The following SAMD9 variants were observed in gnomAD, a reference collection of about 807,000 sequenced individuals.
SAMD9 encodes sterile alpha motif domain containing 9.
A neutral mutation model predicts 1.5 loss-of-function variants in SAMD9; 3 were observed. The observed-to-expected ratio is 2.05, with a 90% CI of 0.93 to 5.29. SAMD9 has a LOEUF of 5.29. Ranked by LOEUF, SAMD9 falls within the 30% of genes most tolerant of loss-of-function variation. The pLI is 0.02. For synonymous variants in SAMD9, 635 were observed against 631.9 expected, an observed-to-expected ratio of 1.00 and a Z score of -0.07; for missense variants, 1,597 against 1,820.8, an observed-to-expected ratio of 0.88 and a Z score of 2.24.
rs760747768 is a variant in SAMD9, at chr7:93,105,098, C to T, written c.1000G>A (p.Glu334Lys). 1 of 1,613,706 alleles carries T rather than the reference C, an allele frequency of 6.2e-7. No individual in the cohort carries two copies. Among genetic ancestry groups the T allele is most frequent in the Admixed American group, 1.7e-5 (1 of 59,974 alleles). Reference sequence around the variant, plus strand: ...AATAGTGAGAATTTTTTACTTTGTTCCCATATTTTGTTGTTGTAATTTTGC... The same window carrying T: ...AATAGTGAGAATTTTTTACTTTGTTTCCATATTTTGTTGTTGTAATTTTGC... ...KMQNYNNKIW[E>K]QSKKFSLFVR... is the part of the protein sequence containing the mutation. Residue 334 changes from glutamate to lysine, a missense_variant, in exon 3 of 3, where the codon GAA (glutamate) becomes AAA (lysine). By Grantham distance (56) the Glu-to-Lys change is moderately conservative. This residue lies in a region of SAMD9 where 498 missense variants were observed against 457.4 expected (regional missense o/e 1.09). Transcript: ENST00000379958.
At position 93,104,599 on chromosome 7, in the gene SAMD9, A is replaced by T; in HGVS notation, c.1499T>A (p.Leu500His). ...AAAGGGTTTATATTTTTCACTGTCA[A>T]GGTCTAACCTGCCATTGCAGAAAAT... ...SWIFCNGRLD[L>H]DSEKYKPFDP... Residue 500 changes from leucine to histidine, a missense_variant, in exon 3 of 3, where the codon CTT becomes CAT. By Grantham distance (99) the Leu-to-His change is moderately conservative. This residue lies in a region of SAMD9 where 358 missense variants were observed against 460.4 expected (regional missense o/e 0.78). Transcript: ENST00000379958. 6.2e-7 allele frequency: 1 copy of T among 1,614,056 alleles called. No individual in the cohort carries two copies. The highest frequency in any genetic ancestry group is 8.5e-7 in the Non-Finnish European group (1 of 1,179,950).
intron 1 of SAMD9, among the ~76,000 whole-genome samples, chr7:93,115,302 A>G (rs1401456607): frequency 6.6e-6 from 1 of 152,214 alleles, no homozygotes; most frequent in Admixed American, 6.5e-5. Flanking sequence ...TGTTTTAGCC[A>G]CTTCAAGAAA....
Position 93,101,662 on chromosome 7 carries a change from G to A in SAMD9, c.4436C>T (p.Ala1479Val). 1.2e-6 allele frequency: 2 copies of A among 1,613,690 alleles called. No individual in the cohort carries two copies. Among genetic ancestry groups the A allele is most frequent in the Non-Finnish European group, 1.7e-6 (2 of 1,179,722 alleles). The change falls in exon 3 of 3, where the codon GCA (alanine) becomes GTA (valine). Residue 1479 changes from alanine (A) to valine (V), a missense_variant. Around this residue, in one of 6 missense-constraint regions of SAMD9, gnomAD observed 682 missense variants for 810.0 expected, o/e 0.84. Transcript: ENST00000379958. ...KHMHRTKQPI[A>V]YFFLGKGKRL... is the part of the protein sequence containing the mutation. ...TTTACCTTTTCCAAGAAAGAAATAT[G>A]CAATTGGTTGCTTTGTACGATGCAT...
At chr7:93,113,744 TG>T (rs1791786581) in intron 2 of SAMD9, among the ~76,000 whole-genome samples, 1 of 151,942 alleles carries the variant, frequency 6.6e-6, no homozygotes. Context: ...AAAACCACAA[TG>T]AGATACCATC....
In SAMD9 at chr7:93,106,111, T is replaced by C. The variant is rs745901968; in HGVS notation, c.-8-6A>G. 26 of 1,548,318 alleles carry C rather than the reference T, an allele frequency of 1.7e-5. No homozygotes were observed. Among genetic ancestry groups the C allele is most frequent in the Non-Finnish European group, 1.8e-5 (21 of 1,150,220 alleles). On this transcript the variant is annotated splice_polypyrimidine_tract_variant and splice_region_variant and intron_variant, in intron 2 of 2. Coordinates refer to ENST00000379958, the MANE Select transcript of SAMD9 (RefSeq NM_017654.4). ...TTGCTTTGCCATTCTGATACCTATA[T>C]GTAGAAAAAGAAAAATTATTTAGTA... is the stretch of plus-strand genomic sequence containing the variant.
rs773076868 is a variant in SAMD9 at position 93,104,823 on chromosome 7, TG to T, written c.1274del (p.Thr425LysfsTer4). 3.1e-6 allele frequency: 5 copies of T among 1,613,514 alleles called. No homozygotes were observed. The East Asian group carries it at 1.1e-4, about 36-fold the overall frequency. Reference sequence around the variant, plus strand: ...TTTCCTTCAGGAAATCTAAGTGTTTTGTTTGATCTGGGTGGCATTTATTTGT... The same window carrying T: ...TTTCCTTCAGGAAATCTAAGTGTTTTTTTGATCTGGGTGGCATTTATTTGT... The part of the protein sequence containing the change: ...LVTNKCHPDQ[T>X]KHLDFLKEIK... On this transcript the variant is annotated frameshift_variant, in exon 3 of 3. Transcript: ENST00000379958. LOFTEE classifies it low-confidence loss of function (END_TRUNC).
chr7:93,116,102 C>G (rs1385772084), intron 1 of SAMD9, among the ~76,000 whole-genome samples: 1 of 152,174 alleles, frequency 6.6e-6, no homozygotes, highest in Non-Finnish European at 1.5e-5. Context: ...ACCTATGGCT[C>G]TCATCCCCCA....
At position 93,104,229 on chromosome 7, in the gene SAMD9, A is replaced by C; in HGVS notation, c.1869T>G (p.Ser623=). The C allele has an allele frequency of 6.2e-7, 1 of 1,613,952 alleles. No individual in the cohort carries two copies. Among genetic ancestry groups the C allele is most frequent in the Non-Finnish European group, 8.5e-7 (1 of 1,179,870 alleles). The part of the protein sequence containing the change: ...EINGTILKLK[S]VTQSSKRLLP... ...AAAGCCTTTTTGAAGATTGAGTCAC[A>C]GATTTTAGTTTAAGAATAGTGCCAT... Residue 623 remains serine, a synonymous_variant, in exon 3 of 3, where the codon TCT becomes TCG. Transcript: ENST00000379958.
rs765319328 is a variant in SAMD9 at position 93,103,291 on chromosome 7, G to T, written c.2807C>A (p.Ser936Ter). 21 of 1,613,648 alleles carry T rather than the reference G, an allele frequency of 1.3e-5. No homozygotes were observed. In the South Asian group the frequency reaches 1.4e-4, roughly 11 times the overall value. Residue 936 changes from serine (S) to a stop codon, truncating the protein, a stop_gained, in exon 3 of 3, where the codon TCA (serine) becomes TAA (stop). Coordinates refer to ENST00000379958, the MANE Select transcript of SAMD9 (RefSeq NM_017654.4). LOFTEE classifies it low-confidence loss of function (END_TRUNC). ...SYVPDTTISL[S>*]QCEKFLGIGN... ...AATTCCTAAGAATTTTTCACACTGT[G>T]ATAGTGAAATGGTGGTATCAGGCAC...
Position 93,114,855 on chromosome 7 carries a change from A to G in SAMD9, c.-69T>C, listed in dbSNP as rs1199131536. The G allele has an allele frequency of 1.3e-5, 2 of 152,232 alleles. No individual in the cohort carries two copies. Among genetic ancestry groups the G allele is most frequent in the African/African-American group, 2.4e-5 (1 of 41,460 alleles). The allele number at this position is 152,232 out of a possible 1,614,324, so 9.4% of individuals were successfully genotyped here. ...TTCCAGGGTGATGTAGGAGATCACA[A>G]AAGGCCACCTATTCACCCACTGCAA... is the stretch of plus-strand genomic sequence containing the variant. On this transcript the variant is annotated 5_prime_UTR_variant, in exon 2 of 3. Transcript: ENST00000379958.
Position 93,102,723 on chromosome 7 carries a change from T to C in SAMD9, c.3375A>G (p.Gln1125=), listed in dbSNP as rs1451033378. 1.9e-6 allele frequency: 3 copies of C among 1,613,918 alleles called. No homozygotes were observed. The South Asian group carries it at 3.3e-5, about 18-fold the overall frequency. The change falls in exon 3 of 3, where the codon CAA becomes CAG. Residue 1125 remains glutamine, a synonymous_variant. Transcript: ENST00000379958. ...DNSYISDTLG[Q]VYKSKIRWWI... is the part of the protein sequence containing the mutation. Reference sequence around the variant, plus strand: ...ACCATCTTATTTTACTTTTGTAGACTTGACCCAGTGTATCTGAGATATAAG... The same window carrying C: ...ACCATCTTATTTTACTTTTGTAGACCTGACCCAGTGTATCTGAGATATAAG...
chr7:93,100,223 A>G lies in SAMD9; in HGVS notation c.*1105T>C, dbSNP rs1791504791. The G allele has an allele frequency of 6.6e-6, 1 of 151,902 alleles. No individual in the cohort carries two copies. Among genetic ancestry groups the G allele is most frequent in the Non-Finnish European group, 1.5e-5 (1 of 67,976 alleles). 9.4% of individuals were successfully genotyped at this position (151,902 alleles called of 1,614,324 possible). A position where few individuals can be genotyped will look rare whatever the true frequency, so the allele number is the denominator to read the frequency against. On this transcript the variant is annotated 3_prime_UTR_variant, in exon 3 of 3. Coordinates refer to ENST00000379958, the MANE Select transcript of SAMD9 (RefSeq NM_017654.4). The stretch of plus-strand genomic sequence containing the variant: ...GCATATTTGTGGTGGTGTTAGTAGG[A>G]TTTTTTTAAAATTTCTTTTGAATTG...
In SAMD9 at chr7:93,103,363, G is replaced by A; in HGVS notation, c.2735C>T (p.Thr912Ile). 2 of 1,613,366 alleles carry A rather than the reference G, an allele frequency of 1.2e-6. No homozygotes were observed. Among genetic ancestry groups the A allele is most frequent in the Non-Finnish European group, 1.7e-6 (2 of 1,179,484 alleles). ...AAAAGAAAAGAGCTTTGCTTCCTTG[G>A]TGAAAATATTCTGCCCTTTCAGGAT... ...RNILKGQNIFTKEAKLFSFLA... is the reference protein window; with the variant it reads ...RNILKGQNIFIKEAKLFSFLA... The change falls in exon 3 of 3, where the codon ACC becomes ATC. Residue 912 changes from threonine (T) to isoleucine (I), a missense_variant. Physicochemically the swap from Thr to Ile is moderately conservative, Grantham distance 89. Transcript: ENST00000379958.
In SAMD9 at chr7:93,104,150, T is replaced by C; in HGVS notation, c.1948A>G (p.Thr650Ala). The C allele has an allele frequency of 6.2e-7, 1 of 1,613,954 alleles. No individual in the cohort carries two copies. Among genetic ancestry groups the C allele is most frequent in the Non-Finnish European group, 8.5e-7 (1 of 1,179,874 alleles). Residue 650 changes from threonine to alanine, a missense_variant, in exon 3 of 3, where the codon ACT becomes GCT. Thr to Ala is a moderately conservative substitution (Grantham distance 58). Coordinates refer to ENST00000379958, the MANE Select transcript of SAMD9 (RefSeq NM_017654.4). ...TTTTCACAGATAATTTCCAGAGCAGTCATGATATCTTCTTCCTTTTTCAGA... is the reference window on the plus strand; with the variant it reads ...TTTTCACAGATAATTTCCAGAGCAGCCATGATATCTTCTTCCTTTTTCAGA... ...VLLKKEEDIM[T>A]ALEIICENEC...
At chr7:93,106,618 T>C (rs1030390988) in intron 2 of SAMD9, among the ~76,000 whole-genome samples, 1 of 152,218 alleles carries the variant, frequency 6.6e-6, no homozygotes, top group African/African-American at 2.4e-5. Flanking sequence ...AAGAACCAAA[T>C]AGTAAATATT....
chr7:93,105,894 T>C lies in SAMD9; in HGVS notation c.204A>G (p.Glu68=). 1 of 1,614,138 alleles carries C rather than the reference T, an allele frequency of 6.2e-7. No homozygotes were observed. Among genetic ancestry groups the C allele is most frequent in the Non-Finnish European group, 8.5e-7 (1 of 1,180,012 alleles). ...TTTTCCGCAATTCTTTGAATAGTTCTTCTATTTGAATAGCTGGTCCATGTG... is the reference window on the plus strand; with the variant it reads ...TTTTCCGCAATTCTTTGAATAGTTCCTCTATTTGAATAGCTGGTCCATGTG... ...GITHGPAIQI[E]ELFKELRKTA... The change falls in exon 3 of 3, where the codon GAA becomes GAG. Residue 68 remains glutamate (E), a synonymous_variant. Coordinates refer to ENST00000379958, the MANE Select transcript of SAMD9 (RefSeq NM_017654.4).
chr7:93,107,015 C>T (rs1791657742), intron 2 of SAMD9, among the ~76,000 whole-genome samples: 1 of 152,044 alleles, frequency 6.6e-6, no homozygotes, highest in South Asian at 2.1e-4. Context: ...GTGTTGACCA[C>T]CTCTTTGTTG....
chr7:93,107,871 T>C (rs376812891), intron 2 of SAMD9, among the ~76,000 whole-genome samples: 3 of 152,370 alleles, frequency 2.0e-5, no homozygotes, highest in South Asian at 2.1e-4. Flanking sequence ...TTTTGTACTA[T>C]AATTTTATAA....
At chr7:93,110,982 T>C (rs949871013) in intron 2 of SAMD9, among the ~76,000 whole-genome samples, 18 of 152,206 alleles carry the variant, frequency 1.2e-4, no homozygotes, top group African/African-American at 2.4e-4. Context: ...GAACTCTCCA[T>C]CCCAAATCAA....
Sources: gnomAD v4.1 joint callset for allele counts (sites outside exome capture counted in the v4.1 genomes callset) on GRCh38, gnomAD v4.1.1 for gene constraint, gnomAD v4.1.1 regional missense constraint, MANE v1.5 for transcripts, NCBI Gene and HGNC (gene_info 2026-07-23, HGNC 2026-07-21) for gene names.